Variants in ROBO2 observed in about 807,000 individuals in gnomAD.
ROBO2 encodes roundabout guidance receptor 2.
In ROBO2, 53 loss-of-function variants were observed where a neutral mutation model predicts 160.8. The observed-to-expected ratio is 0.33, with a 90% CI of 0.26 to 0.41. ROBO2 has a LOEUF of 0.41. Among genes scored for constraint, ROBO2 ranks in the 10% least tolerant of loss-of-function variants. The pLI is 1.00. For missense variants in ROBO2, 1,577 were observed against 1,722.4 expected (o/e 0.92, Z 1.49); for synonymous variants, 664 against 611.7 (o/e 1.09, Z -1.26).
At chr3:76,959,183 AC>A (rs2079482221) in intron 2 of ROBO2, among the ~76,000 whole-genome samples, 1 of 152,164 alleles carries the variant, frequency 6.6e-6, no homozygotes. Context: ...ACTCTTATTA[AC>A]CAGCTATGTA....
At chr3:76,748,326 A>C (rs2093926113) in intron 2 of ROBO2, among the ~76,000 whole-genome samples, 1 of 151,766 alleles carries the variant, frequency 6.6e-6, no homozygotes, top group South Asian at 2.1e-4. Flanking sequence ...ACTAGAGAAA[A>C]GTAATGATTA....
chr3:77,360,866 C>A (rs964716186), intron 2 of ROBO2, among the ~76,000 whole-genome samples: 1 of 147,738 alleles, frequency 6.8e-6, no homozygotes, highest in East Asian at 2.0e-4. Flanking sequence ...TTCTTAGGGA[C>A]TTGAGGTGGG....
intron 2 of ROBO2, among the ~76,000 whole-genome samples, chr3:76,378,531 G>A (rs1045111391): frequency 6.6e-5 from 10 of 152,088 alleles, no homozygotes; most frequent in East Asian, 1.9e-4. Context: ...AGAAACATTC[G>A]AAGAATAGGA....
At chr3:77,294,337 C>T (rs1472339735) in intron 2 of ROBO2, among the ~76,000 whole-genome samples, 5 of 140,942 alleles carry the variant, frequency 3.5e-5, no homozygotes, top group African/African-American at 1.1e-4. Flanking sequence ...GCTAGATCAC[C>T]AAAGACATAA....
intron 2 of ROBO2, among the ~76,000 whole-genome samples, chr3:76,731,121 T>G (rs2107850021): frequency 6.6e-6 from 1 of 152,334 alleles, no homozygotes; most frequent in East Asian, 1.9e-4. Flanking sequence ...TCCCTTAACT[T>G]TCATTAAAAT....
At position 76,301,031 on chromosome 3, in the gene ROBO2, G is replaced by T. The variant is rs575713731; in HGVS notation, c.109+363429G>T. ...GATGATTTCTGTTATGTTTAGTTCA[G>T]CTTGAATTAGGAAGAAAGAAGAAAG... On this transcript the variant is annotated intron_variant, in intron 2 of 26. Transcript: ENST00000487694. 5.9e-5 allele frequency among the ~76,000 whole-genome samples: 9 copies of T among 152,154 alleles called. No homozygotes were observed. The South Asian group carries it at 1.7e-3, about 28-fold the overall frequency.
intron 13 of ROBO2, among the ~76,000 whole-genome samples, chr3:77,568,810 C>T (rs1396575474): frequency 2.0e-5 from 3 of 151,956 alleles, no homozygotes; most frequent in Non-Finnish European, 4.4e-5. Context: ...CATTGATTCT[C>T]TCATTTCCCC....
At position 77,197,956 on chromosome 3, in the gene ROBO2, T is replaced by A. The variant is rs1253228721; in HGVS notation, c.388+99616T>A. On this transcript the variant is annotated intron_variant, in intron 2 of 25. Transcript: ENST00000461745. ...GGGGTGAGGGGGAATGAGCTAAGTC[T>A]ATTTGTGTATTTGTACTCCAGGCCC... Among the ~76,000 whole-genome samples, 7 of 152,290 alleles carry A rather than the reference T, an allele frequency of 4.6e-5. No homozygotes were observed. In the East Asian group the frequency reaches 1.4e-3, roughly 29 times the overall value.
At chr3:76,557,886 TAA>T (rs3067742) in intron 2 of ROBO2, among the ~76,000 whole-genome samples, 69,740 of 147,528 alleles carry the variant, frequency 0.47, 18,393 homozygotes, top group Non-Finnish European at 0.59. Context: ...TGGAATTACT[TAA>T]AAAAAAAAAA....
chr3:76,623,591 A>G (rs1410750108), intron 2 of ROBO2, among the ~76,000 whole-genome samples: 3 of 152,168 alleles, frequency 2.0e-5, no homozygotes, highest in African/African-American at 4.8e-5. Context: ...CCTACACTCT[A>G]AAGTATCTTT....
chr3:76,720,626 T>C (rs373951142), intron 2 of ROBO2, among the ~76,000 whole-genome samples: 2 of 152,226 alleles, frequency 1.3e-5, no homozygotes, highest in East Asian at 3.9e-4. Context: ...TAACTTTTGT[T>C]TGTTAAAGAA....
At chr3:76,468,833 C>G (rs2106980149) in intron 2 of ROBO2, among the ~76,000 whole-genome samples, 1 of 152,166 alleles carries the variant, frequency 6.6e-6, no homozygotes, top group South Asian at 2.1e-4. Context: ...TTTTTTCTCA[C>G]CATTCGCCCT....
intron 2 of ROBO2, among the ~76,000 whole-genome samples, chr3:76,049,408 T>TCA (rs1559867223): frequency 1.1e-5 from 1 of 92,702 alleles, no homozygotes; most frequent in Non-Finnish European, 2.3e-5. Context: ...TATATATTTT[T>TCA]TTTTTTTTTT....
At chr3:77,091,979 CAAAATAAATAAA>C (rs927314468) in intron 1 of ROBO2, 1 of 130,764 alleles carries the variant, frequency 7.6e-6, no homozygotes, top group Non-Finnish European at 1.6e-5. Context: ...GTCTCTGACT[CAAAATAAATAAA>C]TAAATAAATA....
At position 76,081,837 on chromosome 3, in the gene ROBO2, T is replaced by TACACACAC. The variant is rs55705748; in HGVS notation, c.109+144252_109+144259dup. On this transcript the variant is annotated intron_variant, in intron 2 of 26. Transcript: ENST00000487694. The stretch of plus-strand genomic sequence containing the variant: ...ATACAAAATGGCACATGTAAATACA[T>TACACACAC]ACACACACACACACACACACACACC... Among the ~76,000 whole-genome samples, 169 of 148,072 alleles carry TACACACAC rather than the reference T, an allele frequency of 1.1e-3. 2 individuals carry two copies. Among genetic ancestry groups the TACACACAC allele is most frequent in the Non-Finnish European group, 1.7e-3 (112 of 66,390 alleles).
At chr3:77,301,893 T>C (rs2062690130) in intron 2 of ROBO2, among the ~76,000 whole-genome samples, 2 of 148,124 alleles carry the variant, frequency 1.4e-5, no homozygotes, top group South Asian at 4.2e-4. Flanking sequence ...TTTTTTTTTC[T>C]TTTTTAAGTT....
intron 2 of ROBO2, among the ~76,000 whole-genome samples, chr3:76,855,944 TA>T (rs2070020327): frequency 6.6e-6 from 1 of 152,216 alleles, no homozygotes; most frequent in Non-Finnish European, 1.5e-5. Context: ...GCATAATTTG[TA>T]AAAAGTTTTA....
At chr3:77,622,157 T>G in intron 22 of ROBO2, 70 bp from the exon 24 acceptor site, 1 of 1,368,938 alleles carries the variant, frequency 7.3e-7, no homozygotes, top group Non-Finnish European at 1.0e-6. Flanking sequence ...AGCATGCATT[T>G]AATTAAAATT....
chr3:77,570,909 G>T (rs1040820809), intron 13 of ROBO2, among the ~76,000 whole-genome samples: 1 of 151,866 alleles, frequency 6.6e-6, no homozygotes, highest in Non-Finnish European at 1.5e-5. Context: ...GAGACCATTC[G>T]CTGTCCCCCT....
Sources: allele counts gnomAD v4.1 joint callset (sites outside exome capture counted in the v4.1 genomes callset), GRCh38; gene constraint gnomAD v4.1.1; transcripts MANE v1.5; gene names NCBI Gene and HGNC (gene_info 2026-07-23, HGNC 2026-07-21).